Variants in CASTOR2 observed in about 807,000 individuals in gnomAD.
The protein encoded by CASTOR2 is GATS protein like 2.
CASTOR2 carries 8 observed loss-of-function variants against 31.2 expected under a neutral mutation model. That is an observed-to-expected ratio of 0.26 (90% CI 0.15 to 0.46). CASTOR2 has a LOEUF of 0.46. Ranked by LOEUF, CASTOR2 falls within the 20% of genes least tolerant of loss-of-function variation. CASTOR2 has a pLI of 0.99. For missense variants in CASTOR2, 216 were observed against 382.1 expected (o/e 0.57, Z 3.62); for synonymous variants, 162 against 158.7 (o/e 1.02, Z -0.16).
At chr7:74,973,358 T>TTA (rs1803726289) in intron 1 of CASTOR2, among the ~76,000 whole-genome samples, 2 of 115,732 alleles carry the variant, frequency 1.7e-5, no homozygotes, top group Non-Finnish European at 3.5e-5. Context: ...TTTTTTTTTT[T>TTA]GAGACAGAGT....
At chr7:75,013,150 G>A (rs1192181940) in intron 2 of CASTOR2, among the ~76,000 whole-genome samples, 1 of 152,172 alleles carries the variant, frequency 6.6e-6, no homozygotes, top group Non-Finnish European at 1.5e-5. Context: ...AACCTCCAGC[G>A]CTGCAAACAT....
At chr7:74,998,099 C>G (rs1341814360) in intron 1 of CASTOR2, among the ~76,000 whole-genome samples, 1 of 152,072 alleles carries the variant, frequency 6.6e-6, no homozygotes, top group African/African-American at 2.4e-5. Context: ...CAGAAAGCCC[C>G]CAACCCATAG....
At chr7:75,002,923 A>G (rs1490998859) in intron 1 of CASTOR2, among the ~76,000 whole-genome samples, 4 of 152,060 alleles carry the variant, frequency 2.6e-5, no homozygotes, top group African/African-American at 9.7e-5. Flanking sequence ...TCCCATCTCT[A>G]TAAAAATTTA....
At chr7:74,990,401 C>A (rs1386330950) in intron 1 of CASTOR2, among the ~76,000 whole-genome samples, 10 of 148,034 alleles carry the variant, frequency 6.8e-5, no homozygotes, top group South Asian at 2.1e-4. Context: ...AAAACAAAAA[C>A]AAAAAACAAC....
chr7:74,988,930 A>G (rs1318673104), intron 1 of CASTOR2, among the ~76,000 whole-genome samples: 3 of 149,614 alleles, frequency 2.0e-5, no homozygotes, highest in Non-Finnish European at 3.0e-5. Context: ...GTAGAATATT[A>G]GGGCATTCAG....
chr7:75,004,214 CT>C (rs1804560021), intron 1 of CASTOR2, among the ~76,000 whole-genome samples: 1 of 152,130 alleles, frequency 6.6e-6, no homozygotes, highest in African/African-American at 2.4e-5. Context: ...GGGTCCGGGC[CT>C]GACCAGTGAT....
chr7:75,027,816 G>T lies in CASTOR2; in HGVS notation c.*3117G>T. ...GCGTTCTGTGTGTAGCGTAGTCTTG[G>T]TTTGGTCTCCACAGCTCTTCGGGGT... On this transcript the variant is annotated 3_prime_UTR_variant, in exon 9 of 9. Transcript: ENST00000616305. The T allele has an allele frequency of 1.6e-6, 1 of 621,928 alleles. No homozygotes were observed. The highest frequency in any genetic ancestry group is 2.9e-6 in the Non-Finnish European group (1 of 349,752). The allele number at this position is 621,928 out of a possible 1,614,324, so 38.5% of individuals were successfully genotyped here. A position where few individuals can be genotyped will look rare whatever the true frequency, so the allele number is the denominator to read the frequency against.
In CASTOR2 at chr7:75,009,855, A is replaced by G. The variant is rs1554439196; in HGVS notation, c.184+1791A>G. Among the ~76,000 whole-genome samples, 17 of 143,490 alleles carry G rather than the reference A, an allele frequency of 1.2e-4. No individual in the cohort carries two copies. In the South Asian group the frequency reaches 2.7e-3, roughly 23 times the overall value. The allele number at this position is 143,490 out of a possible 152,430, so 94.1% of individuals were successfully genotyped here. ...CTGCCTGGAAAGCACCCCTCCCTTC[A>G]TGGTTTCTACCTGGCATGCAGGCAC... is the stretch of plus-strand genomic sequence containing the variant. On this transcript the variant is annotated intron_variant, in intron 2 of 8. Transcript: ENST00000616305.
chr7:75,003,748 CA>C (rs1209298841), intron 1 of CASTOR2, among the ~76,000 whole-genome samples: 7 of 144,996 alleles, frequency 4.8e-5, no homozygotes, highest in East Asian at 2.0e-4. Context: ...GACTCCATCT[CA>C]AAAAAAAAAC....
At position 75,017,998 on chromosome 7, in the gene CASTOR2, G is replaced by A. The variant is rs2131954227; in HGVS notation, c.387G>A (p.Glu129=). ...TYQTDFILVR[E]RDLPFVTHTL... is the part of the protein sequence containing the mutation. ...CAACTTCTTGCCCCTAGGTGCGCGAGCGGGACCTGCCCTTTGTCACCCACA... is the reference window on the plus strand; with the variant it reads ...CAACTTCTTGCCCCTAGGTGCGCGAACGGGACCTGCCCTTTGTCACCCACA... Residue 129 remains glutamate, a synonymous_variant, in exon 4 of 9, where the codon GAG becomes GAA. Transcript: ENST00000616305. 6.2e-7 allele frequency: 1 copy of A among 1,614,230 alleles called. No homozygotes were observed. Among genetic ancestry groups the A allele is most frequent in the Non-Finnish European group, 8.5e-7 (1 of 1,180,044 alleles).
chr7:74,971,903 G>C (rs1554435112), intron 1 of CASTOR2, among the ~76,000 whole-genome samples: 1 of 144,944 alleles, frequency 6.9e-6, no homozygotes, highest in South Asian at 2.3e-4. Flanking sequence ...CCATCTGCCT[G>C]GCTTACCCCA....
intron 1 of CASTOR2, among the ~76,000 whole-genome samples, chr7:74,989,603 A>T (rs1429568875): frequency 2.1e-5 from 3 of 142,278 alleles, no homozygotes; most frequent in South Asian, 2.2e-4. Context: ...TTCTGTAGAG[A>T]TGGGATCTCA....
rs1016406833 is a variant in CASTOR2, at chr7:75,030,427, G to A, written c.*5728G>A. The stretch of plus-strand genomic sequence containing the variant: ...ACCCTGGCTCCAGGGGAGAGGGTGG[G>A]GCGTCTCTGGTAGGACGGCCTCACC... On this transcript the variant is annotated 3_prime_UTR_variant, in exon 9 of 9. Coordinates refer to ENST00000616305, the MANE Select transcript of CASTOR2 (RefSeq NM_001145064.3). Among the ~76,000 whole-genome samples the A allele has an allele frequency of 6.6e-6, 1 of 152,254 alleles. No homozygotes were observed. The highest frequency in any genetic ancestry group is 2.1e-4 in the South Asian group (1 of 4,820).
Position 75,024,752 on chromosome 7 carries a change from A to C in CASTOR2, c.*53A>C, listed in dbSNP as rs979272090. On this transcript the variant is annotated 3_prime_UTR_variant, in exon 9 of 9. Coordinates refer to ENST00000616305, the MANE Select transcript of CASTOR2 (RefSeq NM_001145064.3). ...CCGCCCGGGCCCAGCCCTAACCCTG[A>C]AGATTGATCTTGCAGTATTTCTCTA... 5.2e-6 allele frequency: 8 copies of C among 1,551,302 alleles called. No individual in the cohort carries two copies. In the African/African-American group the frequency reaches 1.1e-4, roughly 21 times the overall value.
At chr7:74,992,055 A>G (rs1373024223) in intron 1 of CASTOR2, among the ~76,000 whole-genome samples, 21 of 152,046 alleles carry the variant, frequency 1.4e-4, no homozygotes, top group Non-Finnish European at 2.5e-4. Context: ...CAAGGGGTCA[A>G]TCGAAGAGGG....
At chr7:75,010,848 GTC>G (rs1157192478) in intron 2 of CASTOR2, among the ~76,000 whole-genome samples, 102 of 151,606 alleles carry the variant, frequency 6.7e-4, no homozygotes, top group African/African-American at 2.3e-3. Flanking sequence ...TTGTTTTTTT[GTC>G]TCTCTCTTTT....
intron 1 of CASTOR2, among the ~76,000 whole-genome samples, chr7:74,981,855 C>A (rs1291015244): frequency 7.2e-6 from 1 of 138,722 alleles, no homozygotes; most frequent in Non-Finnish European, 1.5e-5. Flanking sequence ...TCGCTTGAGG[C>A]CAGGAATTCA....
Position 75,028,138 on chromosome 7 carries a change from G to C in CASTOR2, c.*3439G>C, listed in dbSNP as rs1805190015. ...GGAATTTTTTTTTTTTTTTTTTTGA[G>C]ACGGAGTCTTGCTCTGTCGCCCAGG... On this transcript the variant is annotated 3_prime_UTR_variant, in exon 9 of 9. Transcript: ENST00000616305. 2 of 1,183,066 alleles carry C rather than the reference G, an allele frequency of 1.7e-6. No homozygotes were observed. Among genetic ancestry groups the C allele is most frequent in the South Asian group, 3.0e-5 (2 of 66,418 alleles). 73.3% of individuals were successfully genotyped at this position (1,183,066 alleles called of 1,614,324 possible).
At chr7:74,988,329 ACT>A (rs1474434738) in intron 1 of CASTOR2, among the ~76,000 whole-genome samples, 3 of 147,136 alleles carry the variant, frequency 2.0e-5, no homozygotes, top group African/African-American at 7.6e-5. Flanking sequence ...ACTGAGTCTC[ACT>A]CTGTCGCCCA....
Sources: allele counts gnomAD v4.1 joint callset (sites outside exome capture counted in the v4.1 genomes callset), GRCh38; gene constraint gnomAD v4.1.1; transcripts MANE v1.5; gene names NCBI Gene and HGNC (gene_info 2026-07-23, HGNC 2026-07-21).